The following CACNA1E variants were observed in gnomAD, a reference collection of about 807,000 sequenced individuals.
CACNA1E encodes the protein calcium voltage-gated channel subunit alpha1 E.
In CACNA1E, 40 loss-of-function variants were observed where a neutral mutation model predicts 259.2. The observed-to-expected ratio is 0.15, with a 90% CI of 0.12 to 0.20. CACNA1E has a LOEUF of 0.20. Among genes scored for constraint, CACNA1E ranks in the 10% least tolerant of loss-of-function variants. The probability of loss-of-function intolerance (pLI) is 1.00; values close to 1 mark genes in which losing one functional copy is unlikely to be tolerated. For missense variants in CACNA1E, 1,874 were observed against 3,040.1 expected (o/e 0.62, Z 9.02); for synonymous variants, 1,104 against 1,138.5 (o/e 0.97, Z 0.61).
intron 6 of CACNA1E, among the ~76,000 whole-genome samples, chr1:181,586,615 A>G (rs113511102): frequency 0.013 from 1,910 of 152,270 alleles, 33 homozygotes; most frequent in African/African-American, 0.043. Flanking sequence ...AGTTCTCTGA[A>G]GAAGTGTTTT....
At chr1:181,470,806 C>A (rs993278180) in intron 2 of CACNA1E, among the ~76,000 whole-genome samples, 2 of 152,068 alleles carry the variant, frequency 1.3e-5, no homozygotes, top group African/African-American at 4.8e-5. Flanking sequence ...CCTGAGTGAC[C>A]CCCTGCTCTT....
intron 1 of CACNA1E, among the ~76,000 whole-genome samples, chr1:181,323,813 C>T (rs1227937998): frequency 6.6e-6 from 1 of 152,246 alleles, no homozygotes; most frequent in African/African-American, 2.4e-5. Flanking sequence ...AAACACACAT[C>T]CAACTTCCGC....
intron 6 of CACNA1E, among the ~76,000 whole-genome samples, chr1:181,589,052 G>T (rs974935822): frequency 1.3e-5 from 2 of 152,202 alleles, no homozygotes; most frequent in Non-Finnish European, 2.9e-5. Context: ...CCTTCAGAGT[G>T]TGGTCCATCT....
intron 13 of CACNA1E, 119 bp from the exon 14 acceptor site, chr1:181,720,087 C>G: frequency 2.4e-6 from 3 of 1,250,334 alleles, no homozygotes. Flanking sequence ...GCCCTCTTTA[C>G]TTCCTACAAA....
chr1:181,407,367 C>G (rs1657540289), intron 1 of CACNA1E, among the ~76,000 whole-genome samples: 1 of 152,180 alleles, frequency 6.6e-6, no homozygotes, highest in African/African-American at 2.4e-5. Flanking sequence ...TGGCTTTTAG[C>G]AACCTGACTC....
rs182792909 is a variant in CACNA1E, at chr1:181,733,482, C to T, written c.2994C>T (p.Gly998=). 1 of 1,570,454 alleles carries T rather than the reference C, an allele frequency of 6.4e-7. No individual in the cohort carries two copies. The highest frequency in any genetic ancestry group is 1.8e-5 in the Admixed American group (1 of 55,496). The change falls in exon 21 of 48, where the codon GGC becomes GGT. Residue 998 remains glycine, a synonymous_variant. Transcript: ENST00000367573. ...CCAGAGGCTCCGGGCTGGCAGGAGG[C>T]CTTGATGAGGCTGACACCCCCCTAG... ...MVSRGSGLAG[G]LDEADTPLVL...
At chr1:181,567,156 C>T (rs982559993) in intron 3 of CACNA1E, among the ~76,000 whole-genome samples, 2 of 152,182 alleles carry the variant, frequency 1.3e-5, no homozygotes, top group Non-Finnish European at 2.9e-5. Context: ...ATTGAGACCA[C>T]TTCATACCCG....
At chr1:181,356,941 C>T (rs1653490926) in intron 1 of CACNA1E, among the ~76,000 whole-genome samples, 1 of 152,300 alleles carries the variant, frequency 6.6e-6, no homozygotes, top group Admixed American at 6.5e-5. Context: ...ACCACGGCAG[C>T]AAAGAGGCTC....
At chr1:181,797,263 C>T (rs1026163606) in intron 47 of CACNA1E, among the ~76,000 whole-genome samples, 4 of 152,196 alleles carry the variant, frequency 2.6e-5, no homozygotes, top group Non-Finnish European at 4.4e-5. Context: ...CAGAGCAGTT[C>T]ACCCTCATTT....
chr1:181,638,420 C>T (rs754513174), intron 6 of CACNA1E, among the ~76,000 whole-genome samples: 1 of 152,158 alleles, frequency 6.6e-6, no homozygotes, highest in Non-Finnish European at 1.5e-5. Context: ...TAAAACATTG[C>T]TATTTTTATC....
At chr1:181,425,400 T>C (rs1383258526) in intron 2 of CACNA1E, among the ~76,000 whole-genome samples, 1 of 152,106 alleles carries the variant, frequency 6.6e-6, no homozygotes, top group Non-Finnish European at 1.5e-5. Flanking sequence ...TCCTCTTGGA[T>C]GTGAGGGGAT....
At chr1:181,624,291 C>G (rs974997570) in intron 6 of CACNA1E, among the ~76,000 whole-genome samples, 4 of 152,132 alleles carry the variant, frequency 2.6e-5, no homozygotes, top group African/African-American at 9.7e-5. Flanking sequence ...TTTGGAGGGT[C>G]AAATTTCCAA....
intron 6 of CACNA1E, among the ~76,000 whole-genome samples, chr1:181,588,298 C>G (rs1652290603): frequency 6.6e-6 from 1 of 152,210 alleles, no homozygotes; most frequent in Non-Finnish European, 1.5e-5. Context: ...TTTAAACACA[C>G]TTAACGTTGC....
intron 2 of CACNA1E, among the ~76,000 whole-genome samples, chr1:181,472,939 T>C (rs1662605439): frequency 6.6e-6 from 1 of 152,158 alleles, no homozygotes; most frequent in South Asian, 2.1e-4. Flanking sequence ...TTTTACCTGC[T>C]GGAGTGCAGG....
At chr1:181,511,540 G>A (rs1271980388) in intron 3 of CACNA1E, 30 bp downstream of exon 3, 1 of 1,612,050 alleles carries the variant, frequency 6.2e-7, no homozygotes, top group South Asian at 1.1e-5. Flanking sequence ...CTGTCTGTGT[G>A]TGTGTATGAA....
At chr1:181,335,114 T>C (rs1651596770) in intron 1 of CACNA1E, among the ~76,000 whole-genome samples, 1 of 152,192 alleles carries the variant, frequency 6.6e-6, no homozygotes, top group Admixed American at 6.5e-5. Context: ...TTTGCTCAAA[T>C]GTCACTGTAT....
In CACNA1E at chr1:181,366,383, C is replaced by G. The variant is rs1048774805; in HGVS notation, c.-14-46750C>G. Among the ~76,000 whole-genome samples, 6 of 152,182 alleles carry G rather than the reference C, an allele frequency of 3.9e-5. No homozygotes were observed. In the South Asian group the frequency reaches 1.0e-3, roughly 26 times the overall value. ...ACTTGCTTTGCAGGTTGCACGAGAC[C>G]TAGTTGTCTCAAGGTAAGAGTCAAT... On this transcript the variant is annotated intron_variant, in intron 1 of 11. Coordinates refer to the CACNA1E transcript ENST00000524607.
At chr1:181,766,066 A>C (rs2102737382) in intron 34 of CACNA1E, among the ~76,000 whole-genome samples, 1 of 152,270 alleles carries the variant, frequency 6.6e-6, no homozygotes, top group Admixed American at 6.5e-5. Flanking sequence ...ACTTACAAAC[A>C]AGTGAGACCC....
At position 181,474,655 on chromosome 1, in the gene CACNA1E, C is replaced by T. The variant is rs1167564073; in HGVS notation, c.435-9089C>T. Among the ~76,000 whole-genome samples, 21 of 152,024 alleles carry T rather than the reference C, an allele frequency of 1.4e-4. 1 individual carries two copies. Among genetic ancestry groups the T allele is most frequent in the South Asian group, 4.1e-4 (2 of 4,820 alleles). The stretch of plus-strand genomic sequence containing the variant: ...GCCTTTTTGTAAAGAAGAGATAGAA[C>T]GAATTAATACTGTAGTTGATATGGG... On this transcript the variant is annotated intron_variant, in intron 2 of 11. Coordinates refer to the CACNA1E transcript ENST00000524607.
Sources: gnomAD v4.1 joint callset for allele counts (sites outside exome capture counted in the v4.1 genomes callset) on GRCh38, gnomAD v4.1.1 for gene constraint, MANE v1.5 for transcripts, NCBI Gene and HGNC (gene_info 2026-07-23, HGNC 2026-07-21) for gene names.